The following MGAT4C variants were observed in gnomAD, a reference collection of about 807,000 sequenced individuals.
MGAT4C encodes alpha-1,3-mannosyl-glycoprotein 4-beta-N-acetylglucosaminyltransferase C.
In MGAT4C, 19 loss-of-function variants were observed where a neutral mutation model predicts 40.1. The observed-to-expected ratio is 0.47, with a 90% CI of 0.33 to 0.70. The LOEUF (loss-of-function observed/expected upper bound fraction) is 0.70. Ranked by LOEUF, MGAT4C falls within the 30% of genes least tolerant of loss-of-function variation. MGAT4C has a pLI of 0.02. For missense variants in MGAT4C, 491 were observed against 563.2 expected, an observed-to-expected ratio of 0.87 and a Z score of 1.30; for synonymous variants, 181 against 187.1, an observed-to-expected ratio of 0.97 and a Z score of 0.27.
At chr12:86,153,374 C>A (rs1884533392) in intron 1 of MGAT4C, among the ~76,000 whole-genome samples, 1 of 151,988 alleles carries the variant, frequency 6.6e-6, no homozygotes, top group African/African-American at 2.4e-5. Context: ...AAAGTATAAC[C>A]CTAAAAACCC....
intron 2 of MGAT4C, among the ~76,000 whole-genome samples, chr12:86,661,784 C>G (rs1185331319): frequency 6.6e-6 from 1 of 151,892 alleles, no homozygotes; most frequent in South Asian, 2.1e-4. Flanking sequence ...ACTAAAAATG[C>G]AAAAATTAGC....
chr12:86,438,521 C>A (rs1339001487), intron 2 of MGAT4C, among the ~76,000 whole-genome samples: 1 of 151,828 alleles, frequency 6.6e-6, no homozygotes, highest in Admixed American at 6.6e-5. Flanking sequence ...AATGAAACAG[C>A]CTTCTAATAG....
At chr12:86,627,608 G>C (rs1462330802) in intron 2 of MGAT4C, among the ~76,000 whole-genome samples, 1 of 152,188 alleles carries the variant, frequency 6.6e-6, no homozygotes, top group African/African-American at 2.4e-5. Flanking sequence ...ACAGCATCTG[G>C]AGTGGAGCTC....
intron 2 of MGAT4C, among the ~76,000 whole-genome samples, chr12:85,999,608 T>TATAC (rs1555203111): frequency 9.9e-5 from 14 of 141,870 alleles, no homozygotes; most frequent in African/African-American, 1.8e-4. Flanking sequence ...TATATATATA[T>TATAC]ACATACACAA....
intron 1 of MGAT4C, among the ~76,000 whole-genome samples, chr12:86,139,189 T>A (rs1882475699): frequency 6.6e-6 from 1 of 152,110 alleles, no homozygotes. Context: ...TTAGAAATTA[T>A]AAAAATCATT....
chr12:86,522,350 T>C (rs1958809330), intron 2 of MGAT4C, among the ~76,000 whole-genome samples: 1 of 152,130 alleles, frequency 6.6e-6, no homozygotes, highest in African/African-American at 2.4e-5. Flanking sequence ...TCCACATCTA[T>C]TGAGATAATC....
At chr12:86,710,054 T>C (rs1950530556) in intron 2 of MGAT4C, among the ~76,000 whole-genome samples, 1 of 152,160 alleles carries the variant, frequency 6.6e-6, no homozygotes, top group Admixed American at 6.6e-5. Flanking sequence ...ATGGAATAAA[T>C]AATACTAATT....
chr12:86,586,158 T>A (rs1174266772), intron 2 of MGAT4C, among the ~76,000 whole-genome samples: 1 of 137,820 alleles, frequency 7.3e-6, no homozygotes, highest in Non-Finnish European at 1.6e-5. Context: ...TGTCCATGTG[T>A]TCTCATTGTT....
At chr12:86,354,169 T>A (rs1345906791) in intron 3 of MGAT4C, among the ~76,000 whole-genome samples, 1 of 152,098 alleles carries the variant, frequency 6.6e-6, no homozygotes, top group African/African-American at 2.4e-5. Context: ...ATACTGAAAT[T>A]GAAATTATAG....
At chr12:86,672,201 G>A (rs2136565002) in intron 2 of MGAT4C, among the ~76,000 whole-genome samples, 2 of 152,094 alleles carry the variant, frequency 1.3e-5, no homozygotes, top group East Asian at 1.9e-4. Flanking sequence ...GACAATGAAG[G>A]AATTAGGAAG....
At position 86,122,877 on chromosome 12, in the gene MGAT4C, A is replaced by C. The variant is rs74341568; in HGVS notation, c.-56-73154T>G. On this transcript the variant is annotated intron_variant, in intron 1 of 4. Coordinates refer to ENST00000611864, the MANE Select transcript of MGAT4C (RefSeq NM_001351288.2). ...GATACAAATTGTGTCAACACAGATA[A>C]ATTTTTATTTTTACCTATTTCTAAG... 5.3e-3 allele frequency among the ~76,000 whole-genome samples: 811 copies of C among 152,292 alleles called. 7 individuals carry two copies. The highest frequency in any genetic ancestry group is 0.019 in the African/African-American group (773 of 41,560).
chr12:86,167,892 C>T lies in MGAT4C; in HGVS notation c.-57+88347G>A, dbSNP rs11103873. 7.7e-3 allele frequency among the ~76,000 whole-genome samples: 1,174 copies of T among 152,240 alleles called. 20 individuals carry two copies. Among genetic ancestry groups the T allele is most frequent in the East Asian group, 0.053 (276 of 5,174 alleles). Reference sequence around the variant, plus strand: ...AAAGCGTAACTAAGTTCTACCAAAACATTTATTTCAAAAAATCTATGAGCT... The same window carrying T: ...AAAGCGTAACTAAGTTCTACCAAAATATTTATTTCAAAAAATCTATGAGCT... On this transcript the variant is annotated intron_variant, in intron 1 of 4. Transcript: ENST00000611864.
chr12:86,644,315 G>A (rs548699668), intron 2 of MGAT4C, among the ~76,000 whole-genome samples: 1 of 151,810 alleles, frequency 6.6e-6, no homozygotes, highest in South Asian at 2.1e-4. Context: ...ATATTCAAAT[G>A]TCAGATATAT....
At chr12:86,388,622 G>A (rs1956103618) in intron 3 of MGAT4C, among the ~76,000 whole-genome samples, 1 of 149,650 alleles carries the variant, frequency 6.7e-6, no homozygotes, top group Non-Finnish European at 1.5e-5. Context: ...TATTCCCACT[G>A]AAGCAAACTG....
At chr12:86,657,154 G>A (rs1349287694) in intron 2 of MGAT4C, among the ~76,000 whole-genome samples, 1 of 151,914 alleles carries the variant, frequency 6.6e-6, no homozygotes, top group Non-Finnish European at 1.5e-5. Context: ...AGAAAAGAGG[G>A]CAAGCAAATA....
chr12:86,553,478 T>C (rs548667626), intron 2 of MGAT4C, among the ~76,000 whole-genome samples: 1 of 152,224 alleles, frequency 6.6e-6, no homozygotes, highest in Non-Finnish European at 1.5e-5. Context: ...GTAAATCCAG[T>C]TTTGTTCATA....
At chr12:86,291,932 A>T (rs1195003870) in intron 4 of MGAT4C, among the ~76,000 whole-genome samples, 1 of 152,220 alleles carries the variant, frequency 6.6e-6, no homozygotes, top group Non-Finnish European at 1.5e-5. Context: ...TTATCAAAGC[A>T]TATCTACCTC....
chr12:86,709,423 A>C (rs1441957430), intron 2 of MGAT4C, among the ~76,000 whole-genome samples: 1 of 152,160 alleles, frequency 6.6e-6, no homozygotes, highest in South Asian at 2.1e-4. Flanking sequence ...TATTTCTAGC[A>C]TTTATGTAAT....
In MGAT4C at chr12:86,114,873, G is replaced by A. The variant is rs141591412; in HGVS notation, c.-56-65150C>T. Among the ~76,000 whole-genome samples, 460 of 151,908 alleles carry A rather than the reference G, an allele frequency of 3.0e-3. 2 individuals are homozygous for A. The highest frequency in any genetic ancestry group is 4.4e-3 in the Non-Finnish European group (298 of 67,884). On this transcript the variant is annotated intron_variant, in intron 1 of 4. Transcript: ENST00000611864. ...ACCTACCCTAAGGAAATAATGTGAC[G>A]TTTGGTGACAAGAAAGCTACTAAGA...
Sources: allele counts gnomAD v4.1 joint callset (sites outside exome capture counted in the v4.1 genomes callset), GRCh38; gene constraint gnomAD v4.1.1; transcripts MANE v1.5; gene names NCBI Gene and HGNC (gene_info 2026-07-23, HGNC 2026-07-21).